TDRD7: variants seen among roughly 807,000 people sequenced by gnomAD.
TDRD7 encodes the protein tudor domain containing 7.
A neutral mutation model predicts 109.8 loss-of-function variants in TDRD7; 47 were observed. That is an observed-to-expected ratio of 0.43 (90% CI 0.34 to 0.55). The LOEUF (loss-of-function observed/expected upper bound fraction) is 0.55, where lower values mean the gene tolerates loss of function less well. TDRD7 is among the 20% of genes least tolerant of loss of function. The probability of loss-of-function intolerance (pLI) is 0.03; values close to 1 mark genes in which losing one functional copy is unlikely to be tolerated. For synonymous variants in TDRD7, 424 were observed against 457.3 expected, an observed-to-expected ratio of 0.93 and a Z score of 0.93; for missense variants, 1,164 against 1,319.2, an observed-to-expected ratio of 0.88 and a Z score of 1.82.
intron 6 of TDRD7, among the ~76,000 whole-genome samples, chr9:97,446,095 A>G (rs1352212776): frequency 1.3e-5 from 2 of 152,168 alleles, no homozygotes; most frequent in African/African-American, 2.4e-5. Flanking sequence ...GCACCACTGC[A>G]CTCCAGCCTG....
intron 1 of TDRD7, among the ~76,000 whole-genome samples, chr9:97,417,767 G>A (rs1223744131): frequency 1.3e-5 from 2 of 152,188 alleles, no homozygotes; most frequent in African/African-American, 4.8e-5. Context: ...CAATGGCCAG[G>A]TGTTAGCAAC....
intron 6 of TDRD7, among the ~76,000 whole-genome samples, chr9:97,447,716 C>T (rs1029137676): frequency 2.6e-5 from 4 of 152,174 alleles, no homozygotes; most frequent in Non-Finnish European, 5.9e-5. Flanking sequence ...AACTCCTGCC[C>T]AAGGTAATGA....
intron 12 of TDRD7, among the ~76,000 whole-genome samples, chr9:97,477,001 G>C (rs1829033576): frequency 6.6e-6 from 1 of 152,126 alleles, no homozygotes; most frequent in African/African-American, 2.4e-5. Context: ...AGGGGTATGT[G>C]CCTAGGTATA....
chr9:97,473,426 C>T, intron 10 of TDRD7, 66 bp from the exon 11 acceptor site: 1 of 1,606,812 alleles, frequency 6.2e-7, no homozygotes, highest in South Asian at 1.1e-5. Flanking sequence ...AGGTAGATAC[C>T]CTTTAGGTAG....
rs1564206587 is a variant in TDRD7, at chr9:97,461,162, A to G, written c.1442+398A>G. Among the ~76,000 whole-genome samples, 8 of 152,170 alleles carry G rather than the reference A, an allele frequency of 5.3e-5. 1 individual carries two copies. In the South Asian group the frequency reaches 1.0e-3, roughly 20 times the overall value. On this transcript the variant is annotated intron_variant, in intron 7 of 16. Coordinates refer to ENST00000355295, the MANE Select transcript of TDRD7 (RefSeq NM_014290.3). ...TCTCAAAAAAAAAAAAAAGGATAAC[A>G]TATTCTTAGTTCTATAGAGTTATAG...
At chr9:97,453,425 T>A (rs7047018) in intron 6 of TDRD7, among the ~76,000 whole-genome samples, 1 of 152,140 alleles carries the variant, frequency 6.6e-6, no homozygotes, top group South Asian at 2.1e-4. Flanking sequence ...AGGCTCCCAT[T>A]GAAAAAAACC....
chr9:97,476,976 C>T (rs974950839), intron 12 of TDRD7, among the ~76,000 whole-genome samples: 19 of 151,766 alleles, frequency 1.3e-4, no homozygotes, highest in African/African-American at 2.9e-4. Context: ...GCTGAAATCT[C>T]GGGTCATATG....
intron 8 of TDRD7, among the ~76,000 whole-genome samples, chr9:97,469,847 G>A (rs1209064460): frequency 6.6e-6 from 1 of 152,050 alleles, no homozygotes; most frequent in East Asian, 1.9e-4. Flanking sequence ...TGTGCTAATG[G>A]TGAGGAAAAG....
intron 6 of TDRD7, among the ~76,000 whole-genome samples, chr9:97,451,257 C>T (rs550878118): frequency 6.6e-6 from 1 of 152,126 alleles, no homozygotes; most frequent in South Asian, 2.1e-4. Context: ...TTTGTAATAT[C>T]CTTTAATTTA....
At position 97,428,471 on chromosome 9, in the gene TDRD7, G is replaced by A. The variant is rs1163868971; in HGVS notation, c.6G>A (p.Leu2=). ...CTGTGTTCTTATAGGCAAAGATGCT[G>A]GAAGGAGATCTGGTTTCAAAGATGC... is the stretch of plus-strand genomic sequence containing the variant. M[L]EGDLVSKMLR... is the part of the protein sequence containing the mutation. Residue 2 remains leucine, a synonymous_variant, in exon 2 of 17, where the codon CTG becomes CTA. Coordinates refer to ENST00000355295, the MANE Select transcript of TDRD7 (RefSeq NM_014290.3). 1 of 1,613,786 alleles carries A rather than the reference G, an allele frequency of 6.2e-7. No homozygotes were observed. Among genetic ancestry groups the A allele is most frequent in the Non-Finnish European group, 8.5e-7 (1 of 1,179,900 alleles).
intron 6 of TDRD7, among the ~76,000 whole-genome samples, chr9:97,451,073 G>A (rs1312174457): frequency 6.6e-6 from 1 of 151,968 alleles, no homozygotes; most frequent in African/African-American, 2.4e-5. Flanking sequence ...ATCGCCAGTG[G>A]CCAATGACTT....
At chr9:97,480,693 G>A in intron 13 of TDRD7, 135 bp from the exon 14 acceptor site, 1 of 750,852 alleles carries the variant, frequency 1.3e-6, no homozygotes, top group Admixed American at 1.9e-5. Flanking sequence ...CAGGAACTGT[G>A]ATTGTCGTTA....
At chr9:97,424,594 G>T (rs1827955539) in intron 1 of TDRD7, among the ~76,000 whole-genome samples, 1 of 152,142 alleles carries the variant, frequency 6.6e-6, no homozygotes, top group African/African-American at 2.4e-5. Flanking sequence ...TCTCTGATAA[G>T]ATTCCTTGTT....
At chr9:97,439,917 G>A (rs921677849) in intron 5 of TDRD7, among the ~76,000 whole-genome samples, 8 of 152,156 alleles carry the variant, frequency 5.3e-5, no homozygotes, top group African/African-American at 1.7e-4. Context: ...CAACCAATGT[G>A]TAAATCCCCT....
Position 97,475,390 on chromosome 9 carries a change from C to T in TDRD7, c.2087C>T (p.Thr696Ile), listed in dbSNP as rs976184887. The T allele has an allele frequency of 1.9e-6, 3 of 1,612,664 alleles. No homozygotes were observed. Among genetic ancestry groups the T allele is most frequent in the African/African-American group, 1.3e-5 (1 of 74,856 alleles). Residue 696 changes from threonine (T) to isoleucine (I), a missense_variant, in exon 12 of 17, where the codon ACC becomes ATC. By Grantham distance (89) the Thr-to-Ile change is moderately conservative. This residue lies in a region of TDRD7 where 261 missense variants were observed against 336.2 expected (regional missense o/e 0.78). Transcript: ENST00000355295. The stretch of plus-strand genomic sequence containing the variant: ...TGCATTTCTGTTTTGCAGCACATGA[C>T]CTCTGAGTGCTTTGTTTCATTACCC... Reference protein sequence around the residue: ...IEDYFHCKHMTSECFVSLPFC... With the variant: ...IEDYFHCKHMISECFVSLPFC...
At chr9:97,486,146 G>T (rs781065004) in intron 15 of TDRD7, among the ~76,000 whole-genome samples, 21 of 152,156 alleles carry the variant, frequency 1.4e-4, no homozygotes, top group Non-Finnish European at 2.4e-4. Context: ...CTTCTGGCTG[G>T]CAAACCTGTT....
intron 13 of TDRD7, 63 bp from the exon 14 acceptor site, chr9:97,480,765 C>T (rs2131174849): frequency 1.2e-5 from 15 of 1,277,740 alleles, no homozygotes; most frequent in Middle Eastern, 1.9e-4. Flanking sequence ...ATAATATTAA[C>T]ATTACTCATA....
At chr9:97,493,664 C>G (rs1049058659) in intron 16 of TDRD7, among the ~76,000 whole-genome samples, 2 of 152,134 alleles carry the variant, frequency 1.3e-5, no homozygotes, top group South Asian at 4.1e-4. Flanking sequence ...CCTAATAAGC[C>G]TGGGAGCACT....
At chr9:97,485,694 G>C (rs1829200291) in intron 15 of TDRD7, among the ~76,000 whole-genome samples, 1 of 152,138 alleles carries the variant, frequency 6.6e-6, no homozygotes, top group African/African-American at 2.4e-5. Flanking sequence ...CATTTGCCAA[G>C]TGCCTATTAT....
Sources: gnomAD v4.1 joint callset for allele counts (sites outside exome capture counted in the v4.1 genomes callset) on GRCh38, gnomAD v4.1.1 for gene constraint, gnomAD v4.1.1 regional missense constraint, MANE v1.5 for transcripts, NCBI Gene and HGNC (gene_info 2026-07-23, HGNC 2026-07-21) for gene names.